The following TJP2 variants were observed in gnomAD, a reference collection of about 807,000 sequenced individuals.
The protein encoded by TJP2 is Friedreich ataxia region gene X104 (tight junction protein ZO-2).
Under a neutral mutation model 133.1 loss-of-function variants are expected in TJP2, and 91 were observed. That is an observed-to-expected ratio of 0.68 (90% confidence interval 0.58 to 0.81). The LOEUF is 0.81. TJP2 is among the 40% of genes least tolerant of loss of function. TJP2 has a pLI of 0.00. For synonymous variants in TJP2, 592 were observed against 583.4 expected, an observed-to-expected ratio of 1.01 and a Z score of -0.21; for missense variants, 1,541 against 1,565.6, an observed-to-expected ratio of 0.98 and a Z score of 0.26.
At position 69,128,030 on chromosome 9, in the gene TJP2, G is replaced by A. The variant is rs540024797; in HGVS notation, c.-131+6305G>A. 5.4e-5 allele frequency among the ~76,000 whole-genome samples: 4 copies of A among 74,324 alleles called. 1 individual carries two copies. Among genetic ancestry groups the A allele is most frequent in the Non-Finnish European group, 1.2e-4 (4 of 32,616 alleles). The allele number at this position is 74,324 out of a possible 152,430, so 48.8% of individuals were successfully genotyped here. A position where few individuals can be genotyped will look rare whatever the true frequency, so the allele number is the denominator to read the frequency against. On this transcript the variant is annotated intron_variant, in intron 1 of 5. Coordinates refer to the TJP2 transcript ENST00000423935. Reference sequence around the variant, plus strand: ...TGGTCTCAAGCAGTCCTCCTGTCTCGGCCTCCCAAAGTGCTAAGATTATAG... The same window carrying A: ...TGGTCTCAAGCAGTCCTCCTGTCTCAGCCTCCCAAAGTGCTAAGATTATAG...
At chr9:69,199,093 T>C (rs1026872594) in intron 1 of TJP2, among the ~76,000 whole-genome samples, 11 of 152,318 alleles carry the variant, frequency 7.2e-5, no homozygotes, top group Non-Finnish European at 1.0e-4. Context: ...TTAAAACCAA[T>C]TTCCTGGGGG....
chr9:69,148,940 C>G (rs1432731187), intron 1 of TJP2, among the ~76,000 whole-genome samples: 3 of 152,090 alleles, frequency 2.0e-5, no homozygotes, highest in Non-Finnish European at 4.4e-5. Context: ...TAATTGATAC[C>G]CAAATACTAA....
intron 1 of TJP2, among the ~76,000 whole-genome samples, chr9:69,175,420 A>G (rs1825011464): frequency 6.6e-6 from 1 of 152,194 alleles, no homozygotes; most frequent in Non-Finnish European, 1.5e-5. Flanking sequence ...TTTTGGGAAA[A>G]CAGGTCCACC....
chr9:69,174,556 T>C, intron 1 of TJP2, 124 bp downstream of exon 1: 1 of 1,198,674 alleles, frequency 8.3e-7, no homozygotes, highest in Non-Finnish European at 1.2e-6. Context: ...AAGCTGGGAT[T>C]CTCCCATCCG....
At chr9:69,246,502 A>G in intron 17 of TJP2, 188 bp from the exon 18 acceptor site, 1 of 622,558 alleles carries the variant, frequency 1.6e-6, no homozygotes, top group Non-Finnish European at 2.9e-6. Context: ...GAACTCAAAC[A>G]GCTACATGAT....
At chr9:69,156,236 C>T (rs1429379440) in intron 2 of TJP2, among the ~76,000 whole-genome samples, 2 of 152,272 alleles carry the variant, frequency 1.3e-5, no homozygotes, top group East Asian at 3.9e-4. Context: ...ATGTGGTGTG[C>T]ACCTGTAATC....
At chr9:69,224,033 A>G (rs1563930057) in intron 5 of TJP2, among the ~76,000 whole-genome samples, 1 of 152,260 alleles carries the variant, frequency 6.6e-6, no homozygotes, top group Non-Finnish European at 1.5e-5. Context: ...TTCTTAAAAT[A>G]ATGTATTTTT....
In TJP2 at chr9:69,160,858, T is replaced by C. The variant is rs552016236; in HGVS notation, c.-10+9087T>C. On this transcript the variant is annotated intron_variant, in intron 2 of 5. Coordinates refer to the TJP2 transcript ENST00000423935. Reference sequence around the variant, plus strand: ...AAACCATCAGATCTCGTGAGACTTATTCACTATCATGAGAACAGGATGGGA... The same window carrying C: ...AAACCATCAGATCTCGTGAGACTTACTCACTATCATGAGAACAGGATGGGA... Among the ~76,000 whole-genome samples the C allele has an allele frequency of 3.3e-5, 5 of 152,310 alleles. No individual in the cohort carries two copies. In the East Asian group the frequency reaches 9.6e-4, roughly 29 times the overall value.
chr9:69,131,922 C>T (rs7034179), intron 1 of TJP2, among the ~76,000 whole-genome samples: 69,187 of 152,044 alleles, frequency 0.46, 15,844 homozygotes, highest in East Asian at 0.61. Flanking sequence ...GTACTCAGCA[C>T]AGAGTTGTAC....
chr9:69,174,909 GTTTTT>G (rs35641843), intron 1 of TJP2, among the ~76,000 whole-genome samples: 1,532 of 139,260 alleles, frequency 0.011, 10 homozygotes, highest in Non-Finnish European at 0.013. Flanking sequence ...AGTAAAAGTT[GTTTTT>G]TTTTTTTTTT....
intron 2 of TJP2, among the ~76,000 whole-genome samples, chr9:69,157,359 G>C (rs1156460731): frequency 2.0e-5 from 3 of 152,072 alleles, no homozygotes; most frequent in Admixed American, 2.0e-4. Context: ...GTTTGCCGAA[G>C]CCACAGTAAC....
intron 1 of TJP2, among the ~76,000 whole-genome samples, chr9:69,146,584 TAGA>T (rs1291850095): frequency 6.6e-6 from 1 of 152,214 alleles, no homozygotes; most frequent in Non-Finnish European, 1.5e-5. Flanking sequence ...ATAGAAGATT[TAGA>T]AAATACAGAA....
At chr9:69,207,067 A>T (rs1371427779) in intron 1 of TJP2, among the ~76,000 whole-genome samples, 1 of 152,094 alleles carries the variant, frequency 6.6e-6, no homozygotes, top group Non-Finnish European at 1.5e-5. Flanking sequence ...AGGTCACCTC[A>T]TCCTGAATGT....
chr9:69,136,475 T>C (rs889460802), intron 1 of TJP2, among the ~76,000 whole-genome samples: 1 of 152,234 alleles, frequency 6.6e-6, no homozygotes, highest in Non-Finnish European at 1.5e-5. Context: ...CTAAAATTTA[T>C]AATACTAATC....
intron 13 of TJP2, among the ~76,000 whole-genome samples, chr9:69,236,588 G>A (rs1459080737): frequency 6.6e-6 from 1 of 152,116 alleles, no homozygotes. Context: ...CTCCATCCTT[G>A]GAGAGGTTTA....
intron 1 of TJP2, among the ~76,000 whole-genome samples, chr9:69,132,727 C>G (rs1397152197): frequency 6.6e-6 from 1 of 152,178 alleles, no homozygotes; most frequent in African/African-American, 2.4e-5. Flanking sequence ...AGACCCACTT[C>G]TAGAGGGAAT....
Position 69,237,866 on chromosome 9 carries a change from T to G in TJP2, c.2180-12T>G. On this transcript the variant is annotated splice_polypyrimidine_tract_variant and intron_variant, in intron 14 of 22. Coordinates refer to ENST00000377245, the MANE Select transcript of TJP2 (RefSeq NM_004817.4). ...AGTGTGTATGCTTTAATGGCCTTTC[T>G]TGTCATTTCAGCTGGTTTCAAGAGA... is the stretch of plus-strand genomic sequence containing the variant. 1.1e-5 allele frequency: 17 copies of G among 1,604,958 alleles called. No individual in the cohort carries two copies. The highest frequency in any genetic ancestry group is 1.5e-5 in the Non-Finnish European group (17 of 1,171,854).
chr9:69,187,285 TTAAATA>T (rs1238635461), intron 1 of TJP2, among the ~76,000 whole-genome samples: 1 of 152,194 alleles, frequency 6.6e-6, no homozygotes, highest in African/African-American at 2.4e-5. Context: ...GATTGGATGA[TTAAATA>T]TAAATGTTGA....
rs1828773421 is a variant in TJP2, at chr9:69,220,929, G to T, written c.385G>T (p.Ala129Ser). ...GAAGGTCCAGGTGGCCGCACTTCAG[G>T]CCAGCCCTCCCCTGGATCAGGATGA... Reference protein sequence around the residue: ...PRKVQVAALQASPPLDQDDRA... With the variant: ...PRKVQVAALQSSPPLDQDDRA... The change falls in exon 5 of 23, where the codon GCC (alanine) becomes TCC (serine). Residue 129 changes from alanine (A) to serine (S), a missense_variant. Transcript: ENST00000377245. 1.2e-6 allele frequency: 2 copies of T among 1,612,416 alleles called. No individual in the cohort carries two copies. Among genetic ancestry groups the T allele is most frequent in the South Asian group, 2.2e-5 (2 of 90,996 alleles).
Sources: allele counts gnomAD v4.1 joint callset (sites outside exome capture counted in the v4.1 genomes callset), GRCh38; gene constraint gnomAD v4.1.1; transcripts MANE v1.5; gene names NCBI Gene and HGNC (gene_info 2026-07-23, HGNC 2026-07-21).